Variants in KCNK12 observed in about 807,000 individuals in gnomAD.
The protein encoded by KCNK12 is potassium channel subfamily K member 12.
In KCNK12, 6 loss-of-function variants were observed where a neutral mutation model predicts 25.3. The ratio of observed to expected loss-of-function variants is 0.24; its 90% CI spans 0.13 to 0.47. The LOEUF (loss-of-function observed/expected upper bound fraction) is 0.47. Among genes scored for constraint, KCNK12 ranks in the 20% least tolerant of loss-of-function variants. The probability of loss-of-function intolerance (pLI) is 0.99; values close to 1 mark genes in which losing one functional copy is unlikely to be tolerated. For synonymous variants in KCNK12, 331 were observed against 311.1 expected (o/e 1.06, Z -0.67); for missense variants, 444 against 661.7 (o/e 0.67, Z 3.61).
At position 47,536,765 on chromosome 2, in the gene KCNK12, T is replaced by C. The variant is rs545268912; in HGVS notation, c.392-14957A>G. Among the ~76,000 whole-genome samples the C allele has an allele frequency of 5.3e-5, 8 of 152,294 alleles. No homozygotes were observed. In the East Asian group the frequency reaches 1.5e-3, roughly 29 times the overall value. ...TGAGTTAGGTGATTTATGGAGGACTTAAGGAAGCAGGCTTCGCTCTGGATG... is the reference window on the plus strand; with the variant it reads ...TGAGTTAGGTGATTTATGGAGGACTCAAGGAAGCAGGCTTCGCTCTGGATG... On this transcript the variant is annotated intron_variant, in intron 1 of 1. Coordinates refer to ENST00000327876, the MANE Select transcript of KCNK12 (RefSeq NM_022055.2).
chr2:47,569,874 G>T lies in KCNK12; in HGVS notation c.391+67C>A. The T allele has an allele frequency of 8.1e-7, 1 of 1,235,762 alleles. No homozygotes were observed. The highest frequency in any genetic ancestry group is 2.7e-5 in the South Asian group (1 of 36,456). The allele number at this position is 1,235,762 out of a possible 1,614,324, so 76.5% of individuals were successfully genotyped here. A position where few individuals can be genotyped will look rare whatever the true frequency, so the allele number is the denominator to read the frequency against. ...GCCGAGGGACGCGGACCGAGCGGCC[G>T]AGCAGTGGAAAGGGCGGCAGGTGAA... On this transcript the variant is annotated intron_variant, in intron 1 of 1. Transcript: ENST00000327876. This position sits in a 1 kb window ranked among gnomAD's most constrained non-coding sequence, Gnocchi z 4.1.
rs1057180417 is a variant in KCNK12, at chr2:47,555,209, C to T, written c.391+14732G>A. On this transcript the variant is annotated intron_variant, in intron 1 of 1. Coordinates refer to ENST00000327876, the MANE Select transcript of KCNK12 (RefSeq NM_022055.2). The surrounding 1 kb of genome is among the most constrained non-coding windows in gnomAD (Gnocchi z 4.5). ...CATCAATAGATAAATGGGTTTAAAG[C>T]CAAAGGGTGTGAGGGGGATCAGAGT... is the stretch of plus-strand genomic sequence containing the variant. Among the ~76,000 whole-genome samples, 3 of 152,108 alleles carry T rather than the reference C, an allele frequency of 2.0e-5. No individual in the cohort carries two copies. The highest frequency in any genetic ancestry group is 7.2e-5 in the African/African-American group (3 of 41,408).
Position 47,570,648 on chromosome 2 carries a change from G to C in KCNK12, c.-317C>G, listed in dbSNP as rs1423271345. 5.6e-6 allele frequency: 1 copy of C among 180,100 alleles called. No homozygotes were observed. The highest frequency in any genetic ancestry group is 2.4e-5 in the African/African-American group (1 of 42,396). The allele number at this position is 180,100 out of a possible 1,614,324, so 11.2% of individuals were successfully genotyped here. ...CCGCTCTCGGGCGCGGGGCTCCGCA[G>C]CTAGGCCCCTGCCGCCCGGTGGCCG... On this transcript the variant is annotated 5_prime_UTR_variant, in exon 1 of 2. Coordinates refer to ENST00000327876, the MANE Select transcript of KCNK12 (RefSeq NM_022055.2).
At position 47,525,941 on chromosome 2, in the gene KCNK12, C is replaced by T. The variant is rs1668760468; in HGVS notation, c.392-4133G>A. ...AGTGGCTCCAGTGATGTAAGATCAC[C>T]CCCATGCCCCATCCACTGCGGGTCC... is the stretch of plus-strand genomic sequence containing the variant. On this transcript the variant is annotated intron_variant, in intron 1 of 1. Transcript: ENST00000327876. This position sits in a 1 kb window ranked among gnomAD's most constrained non-coding sequence, Gnocchi z 4.1. 6.6e-6 allele frequency among the ~76,000 whole-genome samples: 1 copy of T among 152,120 alleles called. No homozygotes were observed. The highest frequency in any genetic ancestry group is 1.5e-5 in the Non-Finnish European group (1 of 68,012).
intron 1 of KCNK12, among the ~76,000 whole-genome samples, chr2:47,542,657 A>G (rs1197424229): frequency 6.6e-6 from 1 of 152,132 alleles, no homozygotes; most frequent in Non-Finnish European, 1.5e-5. Flanking sequence ...TTTTTGTTTT[A>G]TCACAGAAAT....
rs771592308 is a variant in KCNK12 at position 47,514,073 on chromosome 2, GCT to G, written c.*6832_*6833del. ...ATCTGGCCCCCTCATTACCTCCCTT[GCT>G]CTGCATGCTCCAGTCCTGCAGAACT... On this transcript the variant is annotated 3_prime_UTR_variant, in exon 2 of 2. Transcript: ENST00000327876. This position sits in a 1 kb window ranked among gnomAD's most constrained non-coding sequence, Gnocchi z 5.0. Among the ~76,000 whole-genome samples the G allele has an allele frequency of 3.6e-4, 55 of 152,218 alleles. No homozygotes were observed. Among genetic ancestry groups the G allele is most frequent in the Non-Finnish European group, 6.6e-4 (45 of 68,002 alleles).
chr2:47,543,780 C>G (rs941428828), intron 1 of KCNK12: 8 of 152,284 alleles, frequency 5.3e-5, no homozygotes, highest in Admixed American at 6.5e-5. Context: ...CTTCTCCCCA[C>G]TGTCACTATA....
At chr2:47,553,438 C>G (rs1213084137) in intron 1 of KCNK12, among the ~76,000 whole-genome samples, 2 of 152,158 alleles carry the variant, frequency 1.3e-5, no homozygotes, top group African/African-American at 2.4e-5. Context: ...GGATCTCACT[C>G]TGTCACCCAG....
rs1343688600 is a variant in KCNK12, at chr2:47,525,709, G to A, written c.392-3901C>T. Among the ~76,000 whole-genome samples, 1 of 152,188 alleles carries A rather than the reference G, an allele frequency of 6.6e-6. No homozygotes were observed. The highest frequency in any genetic ancestry group is 2.4e-5 in the African/African-American group (1 of 41,456). ...TGGAGCAAGGGGGCCCTAGGAAGAA[G>A]AGGCTGAGGGGCAGAGGGCTGGGGA... On this transcript the variant is annotated intron_variant, in intron 1 of 1. Coordinates refer to ENST00000327876, the MANE Select transcript of KCNK12 (RefSeq NM_022055.2). The surrounding 1 kb of genome is among the most constrained non-coding windows in gnomAD (Gnocchi z 4.1).
At chr2:47,536,951 G>A (rs1669085032) in intron 1 of KCNK12, among the ~76,000 whole-genome samples, 1 of 152,214 alleles carries the variant, frequency 6.6e-6, no homozygotes, top group South Asian at 2.1e-4. Flanking sequence ...TGGTTTGGAC[G>A]ATGTTCTTGT....
intron 1 of KCNK12, chr2:47,564,261 C>G: frequency 4.3e-6 from 1 of 230,470 alleles, no homozygotes; most frequent in East Asian, 6.1e-5. Flanking sequence ...ACAAAGAGAC[C>G]AGACAGTCTC....
rs1167418733 is a variant in KCNK12 at position 47,570,939 on chromosome 2, C to T, written c.-608G>A. 1 of 152,280 alleles carries T rather than the reference C, an allele frequency of 6.6e-6. No homozygotes were observed. Among genetic ancestry groups the T allele is most frequent in the African/African-American group, 2.4e-5 (1 of 41,450 alleles). The allele number at this position is 152,280 out of a possible 1,614,324, so 9.4% of individuals were successfully genotyped here. A position where few individuals can be genotyped will look rare whatever the true frequency, so the allele number is the denominator to read the frequency against. ...GCCGAGTCCGGGGAAGCGCTCCTTT[C>T]TCAGCTCCAGCCGAAGAGCCGCCCG... On this transcript the variant is annotated 5_prime_UTR_variant, in exon 1 of 2. Transcript: ENST00000327876.
Position 47,512,319 on chromosome 2 carries a change from A to G in KCNK12, c.*8588T>C, listed in dbSNP as rs746392433. 1 of 1,612,716 alleles carries G rather than the reference A, an allele frequency of 6.2e-7. No individual in the cohort carries two copies. Among genetic ancestry groups the G allele is most frequent in the African/African-American group, 1.3e-5 (1 of 75,052 alleles). On this transcript the variant is annotated 3_prime_UTR_variant, in exon 2 of 2. Transcript: ENST00000327876. Reference sequence around the variant, plus strand: ...TCCTTTCAGAACCTCAGAGTGACAGAGCCAAAAGACCAGTGCCTCATTTTG... The same window carrying G: ...TCCTTTCAGAACCTCAGAGTGACAGGGCCAAAAGACCAGTGCCTCATTTTG...
chr2:47,545,233 C>G (rs149999813), intron 1 of KCNK12, among the ~76,000 whole-genome samples: 458 of 152,148 alleles, frequency 3.0e-3, no homozygotes, highest in Non-Finnish European at 5.0e-3. Context: ...GCCTTAGATA[C>G]ATGAAGGGTA....
rs1439531875 is a variant in KCNK12, at chr2:47,566,522, C to T, written c.391+3419G>A. ...CCACAGTTTGCCAGAAGTTCTCCTA[C>T]TTGCTAGTACCCCATCTCTGCCCTT... On this transcript the variant is annotated intron_variant, in intron 1 of 1. Coordinates refer to ENST00000327876, the MANE Select transcript of KCNK12 (RefSeq NM_022055.2). The surrounding 1 kb of genome is among the most constrained non-coding windows in gnomAD (Gnocchi z 4.1). 6.6e-6 allele frequency: 1 copy of T among 152,146 alleles called. No individual in the cohort carries two copies. The highest frequency in any genetic ancestry group is 1.5e-5 in the Non-Finnish European group (1 of 68,036). 9.4% of individuals were successfully genotyped at this position (152,146 alleles called of 1,614,324 possible).
At chr2:47,558,502 C>T (rs1007272584) in intron 1 of KCNK12, among the ~76,000 whole-genome samples, 7 of 152,222 alleles carry the variant, frequency 4.6e-5, no homozygotes, top group Non-Finnish European at 8.8e-5. Flanking sequence ...AAATGCACCC[C>T]GCCCCTAGGA....
At chr2:47,534,348 T>C (rs112061224) in intron 1 of KCNK12, among the ~76,000 whole-genome samples, 1 of 151,934 alleles carries the variant, frequency 6.6e-6, no homozygotes, top group Non-Finnish European at 1.5e-5. Flanking sequence ...AGCTCCCGTT[T>C]AACAACCTCT....
chr2:47,524,407 A>G (rs1668725192), intron 1 of KCNK12, among the ~76,000 whole-genome samples: 1 of 152,278 alleles, frequency 6.6e-6, no homozygotes, highest in Non-Finnish European at 1.5e-5. Flanking sequence ...TTGAAACAAC[A>G]TGGATAAATC....
At chr2:47,552,262 G>T (rs1669452176) in intron 1 of KCNK12, among the ~76,000 whole-genome samples, 1 of 152,304 alleles carries the variant, frequency 6.6e-6, no homozygotes, top group African/African-American at 2.4e-5. Flanking sequence ...CAATGGTAGT[G>T]CCTTTCCCAC....
Sources: gnomAD v4.1 joint callset for allele counts (sites outside exome capture counted in the v4.1 genomes callset) on GRCh38, gnomAD v4.1.1 for gene constraint, Gnocchi (gnomAD v3.1) non-coding constraint, MANE v1.5 for transcripts, NCBI Gene and HGNC (gene_info 2026-07-23, HGNC 2026-07-21) for gene names.